TARS2: variants seen among roughly 807,000 people sequenced by gnomAD.
TARS2 encodes threonyl-tRNA synthetase 2, mitochondrial.
TARS2 carries 61 observed loss-of-function variants against 94.4 expected under a neutral mutation model. The ratio of observed to expected loss-of-function variants is 0.65; its 90% CI spans 0.53 to 0.80. The LOEUF is 0.80. TARS2 is among the 30% of genes least tolerant of loss of function. The pLI, the probability that TARS2 is intolerant of heterozygous loss-of-function variation, is 0.00. For synonymous variants in TARS2, 359 were observed against 353.4 expected (o/e 1.02, Z -0.18); for missense variants, 704 against 902.5 (o/e 0.78, Z 2.82).
Position 150,497,524 on chromosome 1 carries a change from C to G in TARS2, c.1021-6C>G, listed in dbSNP as rs1669717253. The stretch of plus-strand genomic sequence containing the variant: ...TGACCTTCCATGTCTGTACCCTCCT[C>G]TCCAGGCTGAGTATGCCCATCGTGG... On this transcript the variant is annotated splice_polypyrimidine_tract_variant and splice_region_variant and intron_variant, in intron 9 of 17. Coordinates refer to ENST00000369064, the MANE Select transcript of TARS2 (RefSeq NM_025150.5). 5.0e-6 allele frequency: 8 copies of G among 1,613,710 alleles called. No individual in the cohort carries two copies. Among genetic ancestry groups the G allele is most frequent in the Non-Finnish European group, 6.8e-6 (8 of 1,179,926 alleles).
Position 150,496,547 on chromosome 1 carries a change from C to A in TARS2, c.840C>A (p.Ser280=), listed in dbSNP as rs747287873. The A allele has an allele frequency of 2.5e-6, 4 of 1,614,134 alleles. No homozygotes were observed. In the South Asian group the frequency reaches 3.3e-5, roughly 13 times the overall value. The part of the protein sequence containing the change: ...PETLQRVSGI[S]FPTTELLRVW... ...CACTGCAGAGAGTGTCAGGGATTTCCTTCCCCACAACAGAATTGCTGAGGG... is the reference window on the plus strand; with the variant it reads ...CACTGCAGAGAGTGTCAGGGATTTCATTCCCCACAACAGAATTGCTGAGGG... Residue 280 remains serine, a synonymous_variant, in exon 8 of 18, where the codon TCC becomes TCA. Coordinates refer to ENST00000369064, the MANE Select transcript of TARS2 (RefSeq NM_025150.5).
rs112734539 is a variant in TARS2, at chr1:150,501,877, A to T, written c.1618-2458A>T. Among the ~76,000 whole-genome samples the T allele has an allele frequency of 3.4e-3, 510 of 151,302 alleles. 2 individuals are homozygous for T. Among genetic ancestry groups the T allele is most frequent in the African/African-American group, 0.012 (482 of 41,010 alleles). On this transcript the variant is annotated intron_variant, in intron 13 of 17. Transcript: ENST00000369064. ...ATTACTCAAGAACTGTTATATAGCT[A>T]AAATCTTTTTTTTGTTTGTTTTGTT...
chr1:150,488,755 TTCTG>T (rs1669254888), intron 2 of TARS2: 2 of 526,802 alleles, frequency 3.8e-6, no homozygotes, highest in Admixed American at 3.6e-5. Context: ...AGCATATTCC[TTCTG>T]TCTAACTCTA....
Position 150,503,414 on chromosome 1 carries a change from G to A in TARS2, c.1618-921G>A, listed in dbSNP as rs1332340552. Among the ~76,000 whole-genome samples, 7 of 152,048 alleles carry A rather than the reference G, an allele frequency of 4.6e-5. No homozygotes were observed. In the South Asian group the frequency reaches 6.2e-4, roughly 14 times the overall value. ...ATAGGAATAATTGTCATGGCCGGGT[G>A]TGGTGGCTCACACCCATAATCCCAG... On this transcript the variant is annotated intron_variant, in intron 13 of 17. Transcript: ENST00000369064.
intron 17 of TARS2, among the ~76,000 whole-genome samples, chr1:150,506,658 T>C (rs752210986): frequency 1.3e-5 from 2 of 151,850 alleles, no homozygotes; most frequent in South Asian, 2.1e-4. Flanking sequence ...TTGACTCTTA[T>C]GTCTCTGACC....
At chr1:150,506,759 A>T (rs1000983602) in intron 17 of TARS2, among the ~76,000 whole-genome samples, 157 bp from the exon 18 acceptor site, 1 of 151,948 alleles carries the variant, frequency 6.6e-6, no homozygotes, top group Non-Finnish European at 1.5e-5. Flanking sequence ...ATTTAGTATT[A>T]GCAGACACAG....
At chr1:150,493,563 G>A (rs587760173) in intron 7 of TARS2, among the ~76,000 whole-genome samples, 6 of 151,632 alleles carry the variant, frequency 4.0e-5, no homozygotes, top group African/African-American at 1.5e-4. Flanking sequence ...AGACCGGCCT[G>A]ACCAACATGG....
rs1274547718 is a variant in TARS2, at chr1:150,487,932, A to G, written c.141A>G (p.Val47=). Residue 47 remains valine, a synonymous_variant, in exon 2 of 18, where the codon GTA becomes GTG. Coordinates refer to ENST00000369064, the MANE Select transcript of TARS2 (RefSeq NM_025150.5). The part of the protein sequence containing the change: ...GLFEELWAAQ[V]KRLASMAQKE... ...TTGAGGAGCTGTGGGCTGCTCAGGTAAAGAGATTAGCAAGCATGGCACAGA... is the reference window on the plus strand; with the variant it reads ...TTGAGGAGCTGTGGGCTGCTCAGGTGAAGAGATTAGCAAGCATGGCACAGA... 1.2e-6 allele frequency: 2 copies of G among 1,613,970 alleles called. No individual in the cohort carries two copies. Among genetic ancestry groups the G allele is most frequent in the Admixed American group, 1.7e-5 (1 of 60,020 alleles).
In TARS2 at chr1:150,497,644, C is replaced by T. The variant is rs1173398600; in HGVS notation, c.1135C>T (p.Gln379Ter). 6.2e-7 allele frequency: 1 copy of T among 1,614,172 alleles called. No homozygotes were observed. The highest frequency in any genetic ancestry group is 1.1e-5 in the South Asian group (1 of 91,088). ...TTATCAGGAAGACATGTTTGCCGTG[C>T]AGCCCCCAGGCTCTGACAGGCCTCC... ...EHYQEDMFAV[Q>*]PPGSDRPPSS... The change falls in exon 10 of 18, where the codon CAG becomes TAG. Residue 379 changes from glutamine to a stop codon, truncating the protein, a stop_gained. Coordinates refer to ENST00000369064, the MANE Select transcript of TARS2 (RefSeq NM_025150.5). LOFTEE classifies it high-confidence loss of function.
At chr1:150,487,571 C>T (rs1669205549) in intron 1 of TARS2, 55 bp downstream of exon 1, 10 of 1,609,892 alleles carry the variant, frequency 6.2e-6, no homozygotes, top group Non-Finnish European at 8.5e-6. Flanking sequence ...CCAGCCGAAG[C>T]CCCCAAATTT....
chr1:150,503,639 GTA>G (rs587637589), intron 13 of TARS2, among the ~76,000 whole-genome samples: 6,311 of 113,644 alleles, frequency 0.056, 415 homozygotes, highest in Admixed American at 0.13. Context: ...ATATGTGTGT[GTA>G]TATATGTGTG....
At chr1:150,506,020 C>A (rs587759444) in intron 17 of TARS2, among the ~76,000 whole-genome samples, 1 of 152,216 alleles carries the variant, frequency 6.6e-6, no homozygotes, top group East Asian at 1.9e-4. Context: ...GCGTTAATTA[C>A]CCTTGTTTAT....
Position 150,497,673 on chromosome 1 carries a change from C to A in TARS2, c.1164C>A (p.Ser388Arg), listed in dbSNP as rs1200344585. Residue 388 changes from serine (S) to arginine (R), a missense_variant, in exon 10 of 18, where the codon AGC becomes AGA. Ser to Arg is a moderately radical substitution (Grantham distance 110, BLOSUM62 -1). Transcript: ENST00000369064. ...VQPPGSDRPPSSQSDDSTRHI... is the reference protein window; with the variant it reads ...VQPPGSDRPPRSQSDDSTRHI... Reference sequence around the variant, plus strand: ...CCCCAGGCTCTGACAGGCCTCCCAGCTCCCAGAGTGACGATTCTACCAGGC... The same window carrying A: ...CCCCAGGCTCTGACAGGCCTCCCAGATCCCAGAGTGACGATTCTACCAGGC... 6.2e-7 allele frequency: 1 copy of A among 1,614,176 alleles called. No individual in the cohort carries two copies. The highest frequency in any genetic ancestry group is 2.2e-5 in the East Asian group (1 of 44,884).
chr1:150,497,811 G>C, intron 10 of TARS2, 64 bp downstream of exon 10: 2 of 1,511,928 alleles, frequency 1.3e-6, no homozygotes, highest in Non-Finnish European at 8.9e-7. Context: ...GCACCTTGGG[G>C]CCGGGCACGG....
At chr1:150,493,763 AAAAAG>A (rs1669512910) in intron 7 of TARS2, among the ~76,000 whole-genome samples, 2 of 152,122 alleles carry the variant, frequency 1.3e-5, no homozygotes, top group South Asian at 2.1e-4. Context: ...CAAAAAAAAA[AAAAAG>A]AAAAGAAAAT....
intron 6 of TARS2, chr1:150,491,960 A>ATTTTTT: frequency 1.7e-5 from 2 of 116,434 alleles, no homozygotes; most frequent in Non-Finnish European, 3.3e-5. Context: ...ATGCCTGGCT[A>ATTTTTT]GTTTTTTTTT....
At chr1:150,500,127 A>AT (rs2102498025) in intron 13 of TARS2, among the ~76,000 whole-genome samples, 1 of 151,974 alleles carries the variant, frequency 6.6e-6, no homozygotes, top group South Asian at 2.1e-4. Flanking sequence ...GTGAGCCGAG[A>AT]TTGCGCCCCA....
In TARS2 at chr1:150,488,051, T is replaced by G. The variant is rs773943910; in HGVS notation, c.260T>G (p.Ile87Ser). ...ACCCCCTACCAACTAGCCCGGCAGA[T>G]CAGGTAACAGGCCCATCCTGTAACT... ...NTTPYQLARQ[I>S]SSTLADTAVA... Residue 87 changes from isoleucine to serine, a missense_variant, in exon 2 of 18, where the codon ATC (isoleucine) becomes AGC (serine). Physicochemically the swap from Ile to Ser is moderately radical, Grantham distance 142 (BLOSUM62 -2). Transcript: ENST00000369064. 6.2e-7 allele frequency: 1 copy of G among 1,613,884 alleles called. No individual in the cohort carries two copies. Among genetic ancestry groups the G allele is most frequent in the Non-Finnish European group, 8.5e-7 (1 of 1,179,882 alleles).
Position 150,491,516 on chromosome 1 carries a change from G to A in TARS2, c.630+5G>A. 1 of 1,614,170 alleles carries A rather than the reference G, an allele frequency of 6.2e-7. No individual in the cohort carries two copies. The highest frequency in any genetic ancestry group is 1.3e-5 in the African/African-American group (1 of 75,044). The stretch of plus-strand genomic sequence containing the variant: ...CAGCTTCGCCAGTTGTTCAAGGTGG[G>A]GTGGAGGGAAGAGGTGGCTCTTCCA... On this transcript the variant is annotated splice_donor_5th_base_variant and intron_variant, in intron 5 of 17. Transcript: ENST00000369064.
Sources: allele counts gnomAD v4.1 joint callset (sites outside exome capture counted in the v4.1 genomes callset), GRCh38; gene constraint gnomAD v4.1.1; transcripts MANE v1.5; gene names NCBI Gene and HGNC (gene_info 2026-07-23, HGNC 2026-07-21).